The following CDYL variants were observed in gnomAD, a reference collection of about 807,000 sequenced individuals.
The protein encoded by CDYL is chromodomain Y-like protein.
A neutral mutation model predicts 47.3 loss-of-function variants in CDYL; 8 were observed. That is an observed-to-expected ratio of 0.17 (90% CI 0.10 to 0.31). The LOEUF is 0.31. Among genes scored for constraint, CDYL ranks in the 10% least tolerant of loss-of-function variants. CDYL has a pLI of 1.00. For synonymous variants in CDYL, 266 were observed against 265.0 expected, an observed-to-expected ratio of 1.00 and a Z score of -0.04; for missense variants, 471 against 701.4, an observed-to-expected ratio of 0.67 and a Z score of 3.71.
chr6:4,815,508 A>T (rs1759646370), intron 1 of CDYL, among the ~76,000 whole-genome samples: 1 of 152,266 alleles, frequency 6.6e-6, no homozygotes, highest in Non-Finnish European at 1.5e-5. Flanking sequence ...ACACACATTT[A>T]AAAAATCTGT....
chr6:4,713,788 A>G (rs1441696565), intron 1 of CDYL, among the ~76,000 whole-genome samples: 1 of 152,106 alleles, frequency 6.6e-6, no homozygotes, highest in Non-Finnish European at 1.5e-5. Context: ...AAGTTTCACC[A>G]TTTTGGCCAG....
At chr6:4,912,988 T>C (rs1757456133) in intron 2 of CDYL, among the ~76,000 whole-genome samples, 1 of 152,190 alleles carries the variant, frequency 6.6e-6, no homozygotes, top group Admixed American at 6.5e-5. Context: ...TAGCAGCTGC[T>C]GACTGCTCTG....
chr6:4,811,915 G>A (rs973148657), intron 1 of CDYL, among the ~76,000 whole-genome samples: 9 of 152,164 alleles, frequency 5.9e-5, no homozygotes, highest in African/African-American at 1.2e-4. Context: ...CCATTCATCA[G>A]CTCTTAGTGT....
intron 3 of CDYL, among the ~76,000 whole-genome samples, chr6:4,736,347 A>G (rs577487859): frequency 2.4e-4 from 37 of 152,318 alleles, no homozygotes; most frequent in South Asian, 2.1e-4. Flanking sequence ...TGGTACTACT[A>G]TAGTTTGTTG....
At chr6:4,799,262 C>T (rs772275145) in intron 1 of CDYL, among the ~76,000 whole-genome samples, 2 of 152,064 alleles carry the variant, frequency 1.3e-5, no homozygotes, top group Admixed American at 6.6e-5. Context: ...AGTCAAAGCA[C>T]ATTTCCTATA....
chr6:4,749,833 G>C (rs561911813), intron 3 of CDYL, among the ~76,000 whole-genome samples: 10 of 152,298 alleles, frequency 6.6e-5, no homozygotes, highest in African/African-American at 2.2e-4. Context: ...ATTTTCTAAA[G>C]TGGGTCCCCT....
At chr6:4,860,825 A>AG (rs1271093340) in intron 1 of CDYL, among the ~76,000 whole-genome samples, 1 of 151,964 alleles carries the variant, frequency 6.6e-6, no homozygotes, top group African/African-American at 2.4e-5. Context: ...GTAGGCTGGG[A>AG]GGCTAGGCCT....
intron 3 of CDYL, among the ~76,000 whole-genome samples, chr6:4,743,464 C>T (rs1240575158): frequency 1.3e-5 from 2 of 152,188 alleles, no homozygotes; most frequent in South Asian, 2.1e-4. Context: ...TAGCTAAAAG[C>T]TGCAAGATGC....
rs111349102 is a variant in CDYL, at chr6:4,748,656, G to GACACAC, written c.186+13832_186+13837dup. Among the ~76,000 whole-genome samples the GACACAC allele has an allele frequency of 4.1e-3, 600 of 145,748 alleles. 4 individuals carry two copies. Among genetic ancestry groups the GACACAC allele is most frequent in the Middle Eastern group, 0.017 (5 of 288 alleles). On this transcript the variant is annotated intron_variant, in intron 3 of 8. Coordinates refer to the CDYL transcript ENST00000328908. The stretch of plus-strand genomic sequence containing the variant: ...GTTGGATGGAGAGACTGATGGCAAA[G>GACACAC]ACACACACACACACACACACACACA...
Position 4,954,099 on chromosome 6 carries a change from G to A in CDYL, c.*43G>A. On this transcript the variant is annotated 3_prime_UTR_variant, in exon 7 of 7. Transcript: ENST00000397588. Reference sequence around the variant, plus strand: ...GGTGACACCGGGATCGGGCTGAGCAGGAGAACATCACCGGCTCCAGTTCCC... The same window carrying A: ...GGTGACACCGGGATCGGGCTGAGCAAGAGAACATCACCGGCTCCAGTTCCC... 2 of 1,581,020 alleles carry A rather than the reference G, an allele frequency of 1.3e-6. No homozygotes were observed. Among genetic ancestry groups the A allele is most frequent in the Non-Finnish European group, 1.7e-6 (2 of 1,159,254 alleles).
intron 2 of CDYL, among the ~76,000 whole-genome samples, chr6:4,720,156 A>G (rs1486258668): frequency 6.6e-6 from 1 of 152,232 alleles, no homozygotes; most frequent in Admixed American, 6.5e-5. Flanking sequence ...ATGTCCTCAC[A>G]TTTCTCTGAA....
intron 1 of CDYL, among the ~76,000 whole-genome samples, chr6:4,777,186 T>G (rs1280244387): frequency 1.3e-5 from 2 of 150,530 alleles, no homozygotes; most frequent in African/African-American, 2.5e-5. Flanking sequence ...GGTTTCTGGA[T>G]CATTTGATAA....
At chr6:4,825,339 C>T (rs1353784993) in intron 1 of CDYL, among the ~76,000 whole-genome samples, 1 of 152,058 alleles carries the variant, frequency 6.6e-6, no homozygotes, top group Non-Finnish European at 1.5e-5. Context: ...TATATAGGAT[C>T]GTGTCCTATA....
At chr6:4,881,868 C>A (rs532920919) in intron 1 of CDYL, among the ~76,000 whole-genome samples, 1 of 152,320 alleles carries the variant, frequency 6.6e-6, no homozygotes, top group Admixed American at 6.5e-5. Context: ...CATAGGTCTT[C>A]TGCATTTCTG....
At chr6:4,816,498 C>CTT (rs1332068497) in intron 1 of CDYL, among the ~76,000 whole-genome samples, 52 of 127,630 alleles carry the variant, frequency 4.1e-4, no homozygotes, top group African/African-American at 1.3e-3. Flanking sequence ...TTCTTTCTTT[C>CTT]TTTTTTTTTT....
intron 4 of CDYL, among the ~76,000 whole-genome samples, chr6:4,940,837 C>G (rs1392225269): frequency 6.6e-6 from 1 of 152,200 alleles, no homozygotes; most frequent in Non-Finnish European, 1.5e-5. Context: ...AGTAAACATG[C>G]CCCATGACCC....
intron 1 of CDYL, among the ~76,000 whole-genome samples, chr6:4,798,240 T>A (rs891647195): frequency 2.6e-5 from 4 of 152,156 alleles, no homozygotes; most frequent in African/African-American, 9.7e-5. Context: ...CCCAAAGTGC[T>A]AGGATTACAT....
chr6:4,855,788 A>G (rs576299153), intron 1 of CDYL, among the ~76,000 whole-genome samples: 2 of 152,282 alleles, frequency 1.3e-5, no homozygotes, highest in Admixed American at 1.3e-4. Context: ...CGTTTTATGA[A>G]ATGATTTTAT....
chr6:4,736,510 C>T (rs1757706470), intron 3 of CDYL, among the ~76,000 whole-genome samples: 1 of 152,188 alleles, frequency 6.6e-6, no homozygotes, highest in African/African-American at 2.4e-5. Context: ...GGGAATCCTC[C>T]CACAGCCTTC....
Sources: gnomAD v4.1 joint callset for allele counts (sites outside exome capture counted in the v4.1 genomes callset) on GRCh38, gnomAD v4.1.1 for gene constraint, MANE v1.5 for transcripts, NCBI Gene and HGNC (gene_info 2026-07-23, HGNC 2026-07-21) for gene names.